The following NLRP11 variants were observed in gnomAD, a reference collection of about 807,000 sequenced individuals.
The protein encoded by NLRP11 is NACHT, LRR and PYD domains-containing protein 11.
A neutral mutation model predicts 79.3 loss-of-function variants in NLRP11; 53 were observed. The ratio of observed to expected loss-of-function variants is 0.67; its 90% CI spans 0.54 to 0.84. The LOEUF (loss-of-function observed/expected upper bound fraction) is 0.84, where lower values mean the gene tolerates loss of function less well. Among genes scored for constraint, NLRP11 ranks in the 40% least tolerant of loss-of-function variants. NLRP11 has a pLI of 0.00. For synonymous variants in NLRP11, 518 were observed against 462.6 expected (o/e 1.12, Z -1.54); for missense variants, 1,264 against 1,255.0 (o/e 1.01, Z -0.11).
At chr19:55,792,512 C>T in intron 6 of NLRP11, 41 bp from the exon 7 acceptor site, 4 of 1,577,830 alleles carry the variant, frequency 2.5e-6, no homozygotes, top group Non-Finnish European at 3.5e-6. Flanking sequence ...GTGTGAGCAC[C>T]AGAGAGGGGA....
chr19:55,808,815 G>A lies in NLRP11; in HGVS notation c.1795C>T (p.Gln599Ter). 1 of 1,613,278 alleles carries A rather than the reference G, an allele frequency of 6.2e-7. No homozygotes were observed. Among genetic ancestry groups the A allele is most frequent in the Non-Finnish European group, 8.5e-7 (1 of 1,179,584 alleles). The change falls in exon 3 of 10, where the codon CAG becomes TAG. Residue 599 changes from glutamine (Q) to a stop codon, truncating the protein, a stop_gained. Transcript: ENST00000589093. LOFTEE classifies it high-confidence loss of function. ...GGCTCTTTGTTTTGAAAGATGCGCT[G>A]AACACTCAACTTAAGTGTCCTCAGG...
chr19:55,792,532 A>G lies in NLRP11; in HGVS notation c.2343-61T>C, dbSNP rs1978373007. 2.1e-6 allele frequency: 3 copies of G among 1,409,234 alleles called. No homozygotes were observed. In the South Asian group the frequency reaches 3.5e-5, roughly 16 times the overall value. 87.3% of individuals were successfully genotyped at this position (1,409,234 alleles called of 1,614,324 possible). ...AGCACCAGAGAGGGGAGCACCTGAGACCACCCACCCCACGCCCACGGGCGC... is the reference window on the plus strand; with the variant it reads ...AGCACCAGAGAGGGGAGCACCTGAGGCCACCCACCCCACGCCCACGGGCGC... On this transcript the variant is annotated intron_variant, in intron 6 of 9. Transcript: ENST00000589093.
upstream of NLRP11, among the ~76,000 whole-genome samples, chr19:55,834,100 C>G (rs77058157): frequency 2.2e-3 from 342 of 152,230 alleles, no homozygotes; most frequent in African/African-American, 6.9e-3. Context: ...TTTTTGTCAA[C>G]AAGACCTCAC....
intron 4 of NLRP11, among the ~76,000 whole-genome samples, chr19:55,805,134 C>T (rs1021063439): frequency 1.3e-5 from 2 of 152,180 alleles, no homozygotes; most frequent in South Asian, 2.1e-4. Context: ...CCACCACCAC[C>T]GGCCCTCACC....
upstream of NLRP11, among the ~76,000 whole-genome samples, chr19:55,833,300 A>C (rs908909562): frequency 2.0e-4 from 31 of 152,176 alleles, no homozygotes; most frequent in Non-Finnish European, 5.9e-5. Flanking sequence ...AAAACAATAA[A>C]ATCCCAATAG....
exon 9 of NLRP11, chr19:55,788,954 C>T (rs754690490): frequency 4.3e-5 from 70 of 1,613,878 alleles, no homozygotes; most frequent in Non-Finnish European, 5.8e-5. Context: ...ACAGCAGGCA[C>T]TGGTTAACAT....
chr19:55,815,899 CAA>C (rs1431729661), intron 2 of NLRP11, among the ~76,000 whole-genome samples: 1 of 151,972 alleles, frequency 6.6e-6, no homozygotes, highest in Non-Finnish European at 1.5e-5. Context: ...GAAGCCTAAA[CAA>C]AAAGATACTT....
intron 5 of NLRP11, among the ~76,000 whole-genome samples, chr19:55,800,630 G>A (rs1979388004): frequency 1.3e-5 from 2 of 152,046 alleles, no homozygotes; most frequent in Admixed American, 6.6e-5. Flanking sequence ...AAATTTAAAG[G>A]TTGATTCCAA....
intron 2 of NLRP11, among the ~76,000 whole-genome samples, chr19:55,811,967 A>G (rs1441515833): frequency 9.1e-6 from 1 of 109,542 alleles, no homozygotes; most frequent in Non-Finnish European, 1.8e-5. Flanking sequence ...AGTTTCACAC[A>G]TGTACACACA....
intron 9 of NLRP11, among the ~76,000 whole-genome samples, chr19:55,787,549 C>G (rs574817734): frequency 2.0e-5 from 3 of 152,298 alleles, no homozygotes; most frequent in African/African-American, 7.2e-5. Flanking sequence ...GTTGGCCAGG[C>G]TGGTCTCAAA....
chr19:55,810,150 C>G lies in NLRP11; in HGVS notation c.460G>C (p.Glu154Gln), dbSNP rs550584232. The G allele has an allele frequency of 3.1e-6, 5 of 1,613,876 alleles. No homozygotes were observed. The African/African-American group carries it at 4.0e-5, about 13-fold the overall frequency. The change falls in exon 3 of 10, where the codon GAG (glutamate) becomes CAG (glutamine). Residue 154 changes from glutamate to glutamine, a missense_variant. Coordinates refer to ENST00000589093, the Ensembl canonical transcript of NLRP11. ...ACAATAGTTTTTCCAGATGCTCTCT[C>G]TCCCATCAGGAACACATTGAGATTG... is the stretch of plus-strand genomic sequence containing the variant.
intron 2 of NLRP11, among the ~76,000 whole-genome samples, chr19:55,813,291 G>A (rs1236656966): frequency 6.6e-6 from 1 of 152,122 alleles, no homozygotes; most frequent in African/African-American, 2.4e-5. Flanking sequence ...TTGCACCACT[G>A]CACTCCAGCC....
rs752758002 is a variant in NLRP11 at position 55,808,994 on chromosome 19, A to G, written c.1616T>C (p.Leu539Ser). Residue 539 changes from leucine (L) to serine (S), a missense_variant, in exon 3 of 10, where the codon TTG becomes TCG. Physicochemically the swap from Leu to Ser is moderately radical, Grantham distance 145. Transcript: ENST00000589093. Reference sequence around the variant, plus strand: ...GTAAAACAAAGGCATATGGTGCGTCAACTTTTCCGGGTCACGGTCCAAATG... The same window carrying G: ...GTAAAACAAAGGCATATGGTGCGTCGACTTTTCCGGGTCACGGTCCAAATG... 4 of 1,614,156 alleles carry G rather than the reference A, an allele frequency of 2.5e-6. No individual in the cohort carries two copies. The highest frequency in any genetic ancestry group is 4.5e-5 in the East Asian group (2 of 44,870).
rs188826322 is a variant in NLRP11, at chr19:55,799,069, C to T, written c.2171+2503G>A. The stretch of plus-strand genomic sequence containing the variant: ...ATCACGTGAGGTCAGGAGTTTGAGA[C>T]CAGCCTAGCTGACATGGCAAAACCC... On this transcript the variant is annotated intron_variant, in intron 5 of 9. Coordinates refer to ENST00000589093, the Ensembl canonical transcript of NLRP11. 3.4e-4 allele frequency among the ~76,000 whole-genome samples: 51 copies of T among 152,162 alleles called. No homozygotes were observed. The East Asian group carries it at 8.7e-3, about 26-fold the overall frequency.
intron 4 of NLRP11, among the ~76,000 whole-genome samples, chr19:55,801,978 C>T (rs1040945548): frequency 6.6e-6 from 1 of 152,178 alleles, no homozygotes; most frequent in African/African-American, 2.4e-5. Context: ...CATGACCTTT[C>T]TTAAGTGGGA....
chr19:55,802,065 T>C (rs1015656144), intron 4 of NLRP11, among the ~76,000 whole-genome samples: 1 of 152,180 alleles, frequency 6.6e-6, no homozygotes, highest in African/African-American at 2.4e-5. Flanking sequence ...AGTTTAACCA[T>C]GTTTTTCTAC....
chr19:55,785,532 C>A (rs1173369150), exon 10 of NLRP11: 23 of 1,112,896 alleles, frequency 2.1e-5, no homozygotes, highest in Non-Finnish European at 2.6e-5. Flanking sequence ...CACACACACA[C>A]ACACACATCA....
intron 1 of NLRP11, among the ~76,000 whole-genome samples, chr19:55,824,418 A>C (rs1408931204): frequency 2.8e-5 from 4 of 144,614 alleles, no homozygotes; most frequent in African/African-American, 8.0e-5. Context: ...TAACAATATT[A>C]ACTTTAAATG....
intron 2 of NLRP11, among the ~76,000 whole-genome samples, chr19:55,814,149 C>A (rs1980864077): frequency 6.6e-6 from 1 of 152,102 alleles, no homozygotes; most frequent in African/African-American, 2.4e-5. Flanking sequence ...TGGATTCTCA[C>A]AGAAGCGTGA....
Sources: gnomAD v4.1 joint callset for allele counts (sites outside exome capture counted in the v4.1 genomes callset) on GRCh38, gnomAD v4.1.1 for gene constraint, MANE v1.5 for transcripts, NCBI Gene and HGNC (gene_info 2026-07-23, HGNC 2026-07-21) for gene names.